LAMA2: variants seen among roughly 807,000 people sequenced by gnomAD.
LAMA2 encodes the protein laminin subunit alpha-2.
Under a neutral mutation model 364.8 loss-of-function variants are expected in LAMA2, and 269 were observed. The observed-to-expected ratio is 0.74, with a 90% CI of 0.67 to 0.82. The LOEUF is 0.82. Ranked by LOEUF, LAMA2 falls within the 40% of genes least tolerant of loss-of-function variation. LAMA2 has a pLI of 0.00. For synonymous variants in LAMA2, 1,379 were observed against 1,370.6 expected (o/e 1.01, Z -0.14); for missense variants, 3,807 against 3,873.2 (o/e 0.98, Z 0.45).
chr6:128,967,995 A>G (rs1470098326), intron 1 of LAMA2, among the ~76,000 whole-genome samples: 1 of 152,164 alleles, frequency 6.6e-6, no homozygotes, highest in African/African-American at 2.4e-5. Context: ...CGTGAGGGCC[A>G]ATTTTGCTCT....
intron 1 of LAMA2, among the ~76,000 whole-genome samples, chr6:128,945,001 C>T (rs1228535472): frequency 6.6e-6 from 1 of 152,082 alleles, no homozygotes; most frequent in Non-Finnish European, 1.5e-5. Context: ...ATCACACATC[C>T]TATATCACTT....
chr6:129,483,242 A>T (rs1287065450), intron 55 of LAMA2, among the ~76,000 whole-genome samples: 1 of 151,886 alleles, frequency 6.6e-6, no homozygotes, highest in East Asian at 1.9e-4. Flanking sequence ...AAACTATAAC[A>T]AGTATTCCTG....
At chr6:129,194,432 G>A (rs866890298) in intron 12 of LAMA2, among the ~76,000 whole-genome samples, 3 of 151,998 alleles carry the variant, frequency 2.0e-5, no homozygotes, top group Non-Finnish European at 4.4e-5. Flanking sequence ...TGGAATATTC[G>A]GTAGAATCAG....
chr6:129,271,513 A>G (rs1787937556), intron 17 of LAMA2, among the ~76,000 whole-genome samples: 1 of 130,174 alleles, frequency 7.7e-6, no homozygotes, highest in Non-Finnish European at 1.6e-5. Flanking sequence ...TCTGTTGCCC[A>G]GGCTAGAGTG....
intron 60 of LAMA2, among the ~76,000 whole-genome samples, chr6:129,503,832 A>G (rs576517497): frequency 3.9e-5 from 6 of 152,202 alleles, no homozygotes; most frequent in Non-Finnish European, 8.8e-5. Flanking sequence ...AAGGGCTCTA[A>G]GGTATCATTT....
At chr6:129,103,739 A>AT (rs936238609) in intron 4 of LAMA2, among the ~76,000 whole-genome samples, 7 of 151,674 alleles carry the variant, frequency 4.6e-5, no homozygotes, top group Non-Finnish European at 7.4e-5. Flanking sequence ...ATATATGCAT[A>AT]TTTTTTTCTT....
At chr6:129,502,505 T>C (rs541560365) in intron 58 of LAMA2, among the ~76,000 whole-genome samples, 154 bp from the exon 59 acceptor site, 10 of 152,366 alleles carry the variant, frequency 6.6e-5, no homozygotes, top group African/African-American at 2.2e-4. Flanking sequence ...CACTCAATAA[T>C]AAGTACTTAC....
At chr6:129,234,096 T>C (rs989139192) in intron 12 of LAMA2, among the ~76,000 whole-genome samples, 12 of 152,146 alleles carry the variant, frequency 7.9e-5, no homozygotes. Flanking sequence ...AGAGTTATCT[T>C]GATGGGAGGC....
chr6:128,924,877 C>T (rs1396007007), intron 1 of LAMA2, among the ~76,000 whole-genome samples: 2 of 152,142 alleles, frequency 1.3e-5, no homozygotes, highest in Admixed American at 6.5e-5. Context: ...ACAGAATATA[C>T]ATGCTTAAGT....
At position 128,998,551 on chromosome 6, in the gene LAMA2, C is replaced by T. The variant is rs1311459312; in HGVS notation, c.113-51367C>T. On this transcript the variant is annotated intron_variant, in intron 1 of 64. Coordinates refer to ENST00000421865, the MANE Select transcript of LAMA2 (RefSeq NM_000426.4). ...GGCCAGTGTGTGTGCGCACCGTGCG[C>T]GAGCCGAAGCAGGGCGAGGCATTGC... Among the ~76,000 whole-genome samples, 10 of 98,332 alleles carry T rather than the reference C, an allele frequency of 1.0e-4. No homozygotes were observed. The East Asian group carries it at 1.1e-3, about 10-fold the overall frequency. The allele number at this position is 98,332 out of a possible 152,430, so 64.5% of individuals were successfully genotyped here.
At chr6:129,020,290 G>A (rs1785364921) in intron 1 of LAMA2, among the ~76,000 whole-genome samples, 1 of 152,044 alleles carries the variant, frequency 6.6e-6, no homozygotes, top group Admixed American at 6.6e-5. Context: ...CAAGTATTCT[G>A]GGGCCACAAC....
chr6:129,079,878 A>G (rs760536450), intron 3 of LAMA2, among the ~76,000 whole-genome samples: 1 of 152,172 alleles, frequency 6.6e-6, no homozygotes, highest in Non-Finnish European at 1.5e-5. Context: ...AAATTTGGCT[A>G]TATTGTCAGA....
At chr6:129,357,666 G>C (rs75477696) in intron 32 of LAMA2, among the ~76,000 whole-genome samples, 1 of 151,962 alleles carries the variant, frequency 6.6e-6, no homozygotes, top group Non-Finnish European at 1.5e-5. Flanking sequence ...GGTGAAACCG[G>C]AAGTCTGAAG....
At chr6:129,268,651 G>T (rs972235194) in intron 16 of LAMA2, among the ~76,000 whole-genome samples, 1 of 152,006 alleles carries the variant, frequency 6.6e-6, no homozygotes, top group African/African-American at 2.4e-5. Context: ...TTGAGAGAAG[G>T]AAGGGAGAGA....
intron 50 of LAMA2, 65 bp from the exon 51 acceptor site, chr6:129,465,080 A>G (rs1284027207): frequency 7.5e-7 from 1 of 1,335,014 alleles, no homozygotes; most frequent in Non-Finnish European, 1.1e-6. Context: ...ACCACACAAG[A>G]AAAGTGAACA....
At chr6:129,158,271 C>T (rs367926736) in intron 8 of LAMA2, 29 of 1,614,078 alleles carry the variant, frequency 1.8e-5, no homozygotes, top group African/African-American at 1.1e-4. Context: ...GTTTTCATGG[C>T]GCATTAGCAC....
Position 129,492,389 on chromosome 6 carries a change from A to G in LAMA2, c.8150A>G (p.Glu2717Gly). The G allele has an allele frequency of 6.2e-7, 1 of 1,614,184 alleles. No homozygotes were observed. The change falls in exon 58 of 65, where the codon GAA (glutamate) becomes GGA (glycine). Residue 2717 changes from glutamate to glycine, a missense_variant. Around this residue, in one of 3 missense-constraint regions of LAMA2, gnomAD observed 3,333 missense variants for 3,345.7 expected, o/e 1.00. Transcript: ENST00000421865. Reference sequence around the variant, plus strand: ...CGCTGTGCCCATCAGAAACTCCGTGAAGATGAAGATGGAGCAGCTCCAGCT... The same window carrying G: ...CGCTGTGCCCATCAGAAACTCCGTGGAGATGAAGATGGAGCAGCTCCAGCT... ...IGRCAHQKLR[E>G]DEDGAAPAEI...
At chr6:128,964,865 G>A (rs902015351) in intron 1 of LAMA2, among the ~76,000 whole-genome samples, 7 of 152,040 alleles carry the variant, frequency 4.6e-5, no homozygotes, top group African/African-American at 1.7e-4. Context: ...GGGTTGCTGG[G>A]TAAATGAGTG....
At chr6:129,115,789 G>T (rs549750722) in intron 4 of LAMA2, among the ~76,000 whole-genome samples, 1 of 152,046 alleles carries the variant, frequency 6.6e-6, no homozygotes, top group Non-Finnish European at 1.5e-5. Flanking sequence ...TTTAGTTTCC[G>T]CATCTAAGAA....
Sources: gnomAD v4.1 joint callset for allele counts (sites outside exome capture counted in the v4.1 genomes callset) on GRCh38, gnomAD v4.1.1 for gene constraint, gnomAD v4.1.1 regional missense constraint, MANE v1.5 for transcripts, NCBI Gene and HGNC (gene_info 2026-07-23, HGNC 2026-07-21) for gene names.